Variants in SPATA16 observed in about 807,000 individuals in gnomAD.
SPATA16 encodes the protein spermatogenesis associated 16.
Under a neutral mutation model 63.3 loss-of-function variants are expected in SPATA16, and 36 were observed. The ratio of observed to expected loss-of-function variants is 0.57; its 90% CI spans 0.44 to 0.75. SPATA16 has a LOEUF of 0.75. Among genes scored for constraint, SPATA16 ranks in the 30% least tolerant of loss-of-function variants. The pLI, the probability that SPATA16 is intolerant of heterozygous loss-of-function variation, is 0.00. For missense variants in SPATA16, 646 were observed against 679.3 expected, an observed-to-expected ratio of 0.95 and a Z score of 0.54; for synonymous variants, 203 against 216.7, an observed-to-expected ratio of 0.94 and a Z score of 0.56.
At chr3:173,027,501 G>C (rs1458658105) in intron 3 of SPATA16, among the ~76,000 whole-genome samples, 2 of 151,776 alleles carry the variant, frequency 1.3e-5, no homozygotes, top group Non-Finnish European at 2.9e-5. Context: ...AATTCTCTAA[G>C]CTTCTCAGAC....
chr3:172,901,465 G>A (rs534585746), intron 10 of SPATA16, among the ~76,000 whole-genome samples: 2 of 152,312 alleles, frequency 1.3e-5, no homozygotes, highest in African/African-American at 2.4e-5. Context: ...CTCCCAAATT[G>A]TTGAGATTAC....
At chr3:172,976,831 C>CATT in intron 5 of SPATA16, 137 bp downstream of exon 5, 1 of 726,940 alleles carries the variant, frequency 1.4e-6, no homozygotes, top group Non-Finnish European at 2.4e-6. Context: ...GTTATGAATA[C>CATT]ATTATTATTC....
chr3:173,093,233 TA>T (rs1451685749), intron 2 of SPATA16, among the ~76,000 whole-genome samples: 1 of 152,086 alleles, frequency 6.6e-6, no homozygotes, highest in Non-Finnish European at 1.5e-5. Context: ...AGTTTCTATT[TA>T]AAAAATTGTC....
chr3:172,952,815 C>T (rs1467069313), intron 6 of SPATA16, among the ~76,000 whole-genome samples: 1 of 151,770 alleles, frequency 6.6e-6, no homozygotes, highest in Non-Finnish European at 1.5e-5. Flanking sequence ...TGGCGTGCCC[C>T]TATAGTCCCA....
At chr3:173,006,838 A>G (rs1042369319) in intron 4 of SPATA16, among the ~76,000 whole-genome samples, 3 of 152,190 alleles carry the variant, frequency 2.0e-5, no homozygotes, top group African/African-American at 7.2e-5. Context: ...TAAATTTTGT[A>G]AGCCAAGAAA....
At chr3:172,902,108 G>C (rs1028437333) in intron 10 of SPATA16, among the ~76,000 whole-genome samples, 1 of 152,150 alleles carries the variant, frequency 6.6e-6, no homozygotes. Context: ...CATGATCTCG[G>C]CTCACTGAAA....
chr3:173,045,150 C>G (rs1022182341), intron 3 of SPATA16, among the ~76,000 whole-genome samples: 1 of 152,170 alleles, frequency 6.6e-6, no homozygotes, highest in African/African-American at 2.4e-5. Flanking sequence ...ACTTCTGTCT[C>G]TCAACCCTTT....
intron 4 of SPATA16, among the ~76,000 whole-genome samples, chr3:173,008,690 A>T (rs922532021): frequency 6.6e-6 from 1 of 152,182 alleles, no homozygotes; most frequent in African/African-American, 2.4e-5. Flanking sequence ...AATTTTAAAA[A>T]TAAATCAGTA....
intron 3 of SPATA16, among the ~76,000 whole-genome samples, chr3:173,029,406 G>GTTTTTTTTTTTTTTTTTTTTTTTTT (rs57233262): frequency 1.4e-5 from 2 of 139,850 alleles, no homozygotes; most frequent in African/African-American, 5.5e-5. Context: ...AGTAATCAGA[G>GTTTTTTTTTTTTTTTTTTTTTTTTT]TTTTTTTTTT....
Position 173,100,590 on chromosome 3 carries a change from T to A in SPATA16, c.612+16530A>T, listed in dbSNP as rs370737236. Among the ~76,000 whole-genome samples the A allele has an allele frequency of 8.6e-5, 13 of 151,068 alleles. 1 individual carries two copies. Among genetic ancestry groups the A allele is most frequent in the Admixed American group, 2.7e-4 (4 of 15,094 alleles). On this transcript the variant is annotated intron_variant, in intron 2 of 10. Transcript: ENST00000351008. The stretch of plus-strand genomic sequence containing the variant: ...TGAACATGCCAACAAATAATTATCA[T>A]CCTTATCTCAAAGCCAGTTCTAGGA...
intron 2 of SPATA16, among the ~76,000 whole-genome samples, chr3:173,106,129 A>T (rs1482790874): frequency 1.3e-5 from 2 of 152,154 alleles, no homozygotes; most frequent in Non-Finnish European, 2.9e-5. Context: ...CAAAATTAAA[A>T]ATTAGACTTC....
intron 2 of SPATA16, among the ~76,000 whole-genome samples, chr3:173,066,859 T>G (rs1338768384): frequency 6.6e-6 from 1 of 152,092 alleles, no homozygotes; most frequent in African/African-American, 2.4e-5. Flanking sequence ...GACAGAGATA[T>G]GTGAACTTTC....
At chr3:172,892,450 A>G (rs1382691614) in intron 10 of SPATA16, among the ~76,000 whole-genome samples, 3 of 152,198 alleles carry the variant, frequency 2.0e-5, no homozygotes, top group Non-Finnish European at 1.5e-5. Context: ...AAGTAGTCCA[A>G]TCCTAAAACT....
At chr3:173,039,884 A>T (rs1735797837) in intron 3 of SPATA16, among the ~76,000 whole-genome samples, 1 of 152,148 alleles carries the variant, frequency 6.6e-6, no homozygotes. Context: ...TGCATTTAAA[A>T]GGTGGTGAGT....
intron 4 of SPATA16, among the ~76,000 whole-genome samples, chr3:172,979,123 G>C (rs1734237210): frequency 1.3e-5 from 2 of 152,144 alleles, no homozygotes; most frequent in Admixed American, 1.3e-4. Flanking sequence ...TGTAGTCCCA[G>C]CTACTCGGGA....
At chr3:172,986,180 C>T (rs1340294229) in intron 4 of SPATA16, among the ~76,000 whole-genome samples, 1 of 152,156 alleles carries the variant, frequency 6.6e-6, no homozygotes, top group African/African-American at 2.4e-5. Context: ...GATTGTCTTA[C>T]CATGTTCATA....
chr3:173,006,933 A>C (rs1734957989), intron 4 of SPATA16, among the ~76,000 whole-genome samples: 1 of 152,222 alleles, frequency 6.6e-6, no homozygotes, highest in Non-Finnish European at 1.5e-5. Context: ...CCTAAATGTT[A>C]TACTAATTCT....
At chr3:172,913,973 CAT>C in intron 9 of SPATA16, among the ~76,000 whole-genome samples, 1 of 151,974 alleles carries the variant, frequency 6.6e-6, no homozygotes, top group Non-Finnish European at 1.5e-5. Flanking sequence ...TTGTAAAAAA[CAT>C]ATAGGTTTTA....
intron 5 of SPATA16, among the ~76,000 whole-genome samples, chr3:172,959,299 A>C (rs73175080): frequency 5.9e-5 from 9 of 152,218 alleles, no homozygotes; most frequent in African/African-American, 1.2e-4. Flanking sequence ...GCTTTTAAAA[A>C]AGTGGCAGAA....
Sources: gnomAD v4.1 joint callset for allele counts (sites outside exome capture counted in the v4.1 genomes callset) on GRCh38, gnomAD v4.1.1 for gene constraint, MANE v1.5 for transcripts, NCBI Gene and HGNC (gene_info 2026-07-23, HGNC 2026-07-21) for gene names.